TSPAN9: variants seen among roughly 807,000 people sequenced by gnomAD.
TSPAN9 encodes tetraspanin 9, also known as tetraspanin-9.
A neutral mutation model predicts 31.0 loss-of-function variants in TSPAN9; 16 were observed. The ratio of observed to expected loss-of-function variants is 0.52; its 90% CI spans 0.35 to 0.78. TSPAN9 has a LOEUF of 0.78. TSPAN9 is among the 30% of genes least tolerant of loss of function. The pLI is 0.01. For synonymous variants in TSPAN9, 145 were observed against 121.6 expected (o/e 1.19, Z -1.27); for missense variants, 272 against 312.5 (o/e 0.87, Z 0.98).
At chr12:3,091,334 C>G (rs1049410646) in intron 2 of TSPAN9, among the ~76,000 whole-genome samples, 2 of 152,216 alleles carry the variant, frequency 1.3e-5, no homozygotes, top group Non-Finnish European at 2.9e-5. Context: ...GACTCGACAC[C>G]GTGACTTCCC....
At chr12:3,094,427 G>C (rs1261410332) in intron 2 of TSPAN9, among the ~76,000 whole-genome samples, 1 of 152,108 alleles carries the variant, frequency 6.6e-6, no homozygotes. Context: ...TTGCCAAGCA[G>C]TCCTCATAGG....
At chr12:3,201,120 C>T in intron 2 of TSPAN9, 57 bp from the exon 3 acceptor site, 3 of 1,500,094 alleles carry the variant, frequency 2.0e-6, no homozygotes, top group Non-Finnish European at 2.8e-6. Context: ...TGCAATGCAC[C>T]CAAAGGCAGC....
chr12:3,201,672 T>C (rs796910660), intron 3 of TSPAN9, among the ~76,000 whole-genome samples: 2 of 152,340 alleles, frequency 1.3e-5, no homozygotes, highest in African/African-American at 4.8e-5. Flanking sequence ...TTTCTTCTTG[T>C]ATTCCTCCTG....
At position 3,105,774 on chromosome 12, in the gene TSPAN9, A is replaced by ACACATGCG. The variant is rs1555141409; in HGVS notation, c.-18+22059_-18+22060insTGCGCACA. Reference sequence around the variant, plus strand: ...CACACACACGCACACACGCGCACGCACACACGCTCATACACACTCACGCAC... The same window carrying ACACATGCG: ...CACACACACGCACACACGCGCACGCACACATGCGCACACGCTCATACACACTCACGCAC... On this transcript the variant is annotated intron_variant, in intron 2 of 8. Coordinates refer to ENST00000011898, the MANE Select transcript of TSPAN9 (RefSeq NM_006675.5). Among the ~76,000 whole-genome samples the ACACATGCG allele has an allele frequency of 1.9e-3, 255 of 137,090 alleles. 3 individuals carry two copies. In the East Asian group the frequency reaches 0.028, roughly 15 times the overall value. 89.9% of individuals were successfully genotyped at this position (137,090 alleles called of 152,430 possible). A position where few individuals can be genotyped will look rare whatever the true frequency, so the allele number is the denominator to read the frequency against.
chr12:3,081,132 G>A lies in TSPAN9; in HGVS notation c.-84-2521G>A, dbSNP rs1366056636. Among the ~76,000 whole-genome samples, 66 of 152,218 alleles carry A rather than the reference G, an allele frequency of 4.3e-4. 1 individual carries two copies. Among genetic ancestry groups the A allele is most frequent in the Admixed American group, 4.3e-3 (66 of 15,274 alleles). On this transcript the variant is annotated intron_variant, in intron 1 of 8. Transcript: ENST00000011898. ...CCATGAGCTGATGTATGTGAGGCAC[G>A]TAGCTCAGGGCCTCATATACAGCAG...
At chr12:3,242,286 G>T (rs1591700457) in intron 3 of TSPAN9, among the ~76,000 whole-genome samples, 1 of 152,222 alleles carries the variant, frequency 6.6e-6, no homozygotes, top group African/African-American at 2.4e-5. Flanking sequence ...AGCAGCCTGG[G>T]AGTGGCTCTG....
chr12:3,130,072 A>G (rs2098329144), intron 2 of TSPAN9, among the ~76,000 whole-genome samples: 1 of 152,168 alleles, frequency 6.6e-6, no homozygotes, highest in South Asian at 2.1e-4. Flanking sequence ...GGGCGGCTGT[A>G]CCGCCTCTTT....
At chr12:3,133,972 T>C (rs1220424494) in intron 2 of TSPAN9, among the ~76,000 whole-genome samples, 1 of 152,160 alleles carries the variant, frequency 6.6e-6, no homozygotes, top group African/African-American at 2.4e-5. Flanking sequence ...TCTTTGATTA[T>C]AAACAGGGTC....
At chr12:3,095,668 C>T (rs1395276393) in intron 2 of TSPAN9, among the ~76,000 whole-genome samples, 2 of 148,548 alleles carry the variant, frequency 1.3e-5, no homozygotes, top group African/African-American at 4.9e-5. Flanking sequence ...GGCGGCTGGC[C>T]AGGCAGAGGG....
chr12:3,206,331 G>A (rs751375191), intron 3 of TSPAN9: 2 of 456,108 alleles, frequency 4.4e-6, no homozygotes, highest in South Asian at 3.1e-5. Flanking sequence ...GGGCGGATCA[G>A]TTTTCTCGTG....
At chr12:3,227,630 G>A (rs1194834804) in intron 3 of TSPAN9, among the ~76,000 whole-genome samples, 3 of 152,162 alleles carry the variant, frequency 2.0e-5, no homozygotes, top group Admixed American at 6.5e-5. Flanking sequence ...GCAGGCTTGC[G>A]TGCCAGGCCC....
At chr12:3,241,639 C>T (rs541963602) in intron 3 of TSPAN9, among the ~76,000 whole-genome samples, 11 of 152,332 alleles carry the variant, frequency 7.2e-5, no homozygotes, top group African/African-American at 2.2e-4. Flanking sequence ...GTTTCTTCCC[C>T]GACATTCCGT....
chr12:3,106,141 C>T (rs1027936012), intron 2 of TSPAN9, among the ~76,000 whole-genome samples: 2 of 152,264 alleles, frequency 1.3e-5, no homozygotes, highest in African/African-American at 2.4e-5. Flanking sequence ...CACACACGTG[C>T]GTGATTGGTT....
intron 3 of TSPAN9, among the ~76,000 whole-genome samples, chr12:3,267,118 G>A (rs991126446): frequency 5.3e-5 from 8 of 152,124 alleles, no homozygotes; most frequent in Non-Finnish European, 1.0e-4. Context: ...TCACCTCTGG[G>A]GGCACCTCCT....
At chr12:3,269,227 T>C (rs866855230) in intron 3 of TSPAN9, among the ~76,000 whole-genome samples, 16 of 27,038 alleles carry the variant, frequency 5.9e-4, no homozygotes, top group South Asian at 2.3e-3. Context: ...GCCTGCCCTC[T>C]CTGTGTTCCT....
chr12:3,124,774 T>C (rs776053346), intron 2 of TSPAN9: 2 of 151,896 alleles, frequency 1.3e-5, no homozygotes, highest in Non-Finnish European at 2.9e-5. Context: ...TGACTCAAAA[T>C]AGGCCAGGTG....
intron 2 of TSPAN9, among the ~76,000 whole-genome samples, chr12:3,182,307 T>A (rs1034806370): frequency 6.6e-6 from 1 of 151,648 alleles, no homozygotes; most frequent in East Asian, 1.9e-4. Context: ...TGATGGAGGG[T>A]GGGGGGCTTC....
chr12:3,151,979 C>T (rs1358671749), intron 2 of TSPAN9, among the ~76,000 whole-genome samples: 1 of 152,172 alleles, frequency 6.6e-6, no homozygotes, highest in Non-Finnish European at 1.5e-5. Flanking sequence ...AAAAGCCCAA[C>T]AATCAGGCGT....
At chr12:3,243,607 G>A (rs1053971956) in intron 3 of TSPAN9, among the ~76,000 whole-genome samples, 8 of 152,156 alleles carry the variant, frequency 5.3e-5, no homozygotes, top group East Asian at 1.9e-4. Flanking sequence ...TTCAGTCGTG[G>A]GGACCGATGA....
Sources: allele counts gnomAD v4.1 joint callset (sites outside exome capture counted in the v4.1 genomes callset), GRCh38; gene constraint gnomAD v4.1.1; transcripts MANE v1.5; gene names NCBI Gene and HGNC (gene_info 2026-07-23, HGNC 2026-07-21).